Variants in HSF5 observed in about 807,000 individuals in gnomAD.
The protein encoded by HSF5 is heat shock factor protein 5.
In HSF5, 5 loss-of-function variants were observed where a neutral mutation model predicts 50.8. That is an observed-to-expected ratio of 0.10 (90% CI 0.05 to 0.21). The LOEUF (loss-of-function observed/expected upper bound fraction) is 0.21, where lower values mean the gene tolerates loss of function less well. HSF5 is among the 10% of genes least tolerant of loss of function. HSF5 has a pLI of 1.00. For missense variants in HSF5, 564 were observed against 762.6 expected (o/e 0.74, Z 3.07); for synonymous variants, 307 against 307.4 (o/e 1.00, Z 0.02).
At chr17:58,456,942 G>A (rs1448755094) in intron 5 of HSF5, among the ~76,000 whole-genome samples, 1 of 152,160 alleles carries the variant, frequency 6.6e-6, no homozygotes, top group Non-Finnish European at 1.5e-5. Context: ...GGGCAACATA[G>A]TGAGACCCCA....
chr17:58,483,778 A>G (rs1317120282), intron 1 of HSF5, among the ~76,000 whole-genome samples: 5 of 152,254 alleles, frequency 3.3e-5, no homozygotes, highest in African/African-American at 1.2e-4. Flanking sequence ...CTTATCAAGT[A>G]TACTCTTGGA....
At position 58,477,141 on chromosome 17, in the gene HSF5, ATG is replaced by A; in HGVS notation, c.925+2750_925+2751del. Among the ~76,000 whole-genome samples the A allele has an allele frequency of 1.5e-5, 2 of 132,402 alleles. 1 individual carries two copies. Among genetic ancestry groups the A allele is most frequent in the South Asian group, 4.7e-4 (2 of 4,232 alleles). 86.9% of individuals were successfully genotyped at this position (132,402 alleles called of 152,430 possible). ...CTTTTTTTTTTTTTTTTTTTTTGAG[ATG>A]GAGTCCTGCTCTGTCACCCAGGCTG... On this transcript the variant is annotated intron_variant, in intron 2 of 5. Transcript: ENST00000323777.
At chr17:58,484,010 C>T (rs960665911) in intron 1 of HSF5, among the ~76,000 whole-genome samples, 6 of 152,096 alleles carry the variant, frequency 3.9e-5, no homozygotes, top group Non-Finnish European at 8.8e-5. Flanking sequence ...GGACTTAGAA[C>T]ATGGAATGAG....
chr17:58,481,361 A>G (rs1278698760), intron 1 of HSF5, among the ~76,000 whole-genome samples: 1 of 152,226 alleles, frequency 6.6e-6, no homozygotes, highest in Admixed American at 6.5e-5. Context: ...AAGGAATAAA[A>G]AGTGGAGATA....
At chr17:58,438,946 A>G (rs1974462498) in intron 5 of HSF5, among the ~76,000 whole-genome samples, 1 of 151,858 alleles carries the variant, frequency 6.6e-6, no homozygotes, top group Non-Finnish European at 1.5e-5. Flanking sequence ...GTGAGACTCC[A>G]TCTCTTTGAA....
chr17:58,450,060 A>C (rs527315702), intron 5 of HSF5, among the ~76,000 whole-genome samples: 1 of 145,190 alleles, frequency 6.9e-6, no homozygotes, highest in East Asian at 2.1e-4. Flanking sequence ...CATAGGCTGG[A>C]CACGGTAGCT....
intron 5 of HSF5, among the ~76,000 whole-genome samples, chr17:58,429,131 A>C (rs537145197): frequency 2.0e-5 from 3 of 152,384 alleles, no homozygotes; most frequent in Admixed American, 2.0e-4. Flanking sequence ...TTAGTAAAGT[A>C]AGTTAGACAC....
intron 3 of HSF5, among the ~76,000 whole-genome samples, chr17:58,464,830 G>T (rs534546888): frequency 6.6e-6 from 1 of 151,802 alleles, no homozygotes; most frequent in African/African-American, 2.4e-5. Flanking sequence ...ACAGGGTTTC[G>T]CCATGTTGGC....
chr17:58,427,698 C>A (rs1308174400), intron 5 of HSF5, among the ~76,000 whole-genome samples: 1 of 152,126 alleles, frequency 6.6e-6, no homozygotes, highest in Non-Finnish European at 1.5e-5. Flanking sequence ...AGATAAAAAA[C>A]ATTTGGTCAT....
chr17:58,463,534 A>G (rs1791129939), intron 3 of HSF5, among the ~76,000 whole-genome samples: 1 of 152,212 alleles, frequency 6.6e-6, no homozygotes, highest in African/African-American at 2.4e-5. Context: ...TAATACTCCA[A>G]TGGTCAATAA....
intron 5 of HSF5, among the ~76,000 whole-genome samples, chr17:58,458,392 T>C (rs1302719242): frequency 6.6e-6 from 1 of 152,226 alleles, no homozygotes; most frequent in Non-Finnish European, 1.5e-5. Flanking sequence ...CATGCCCTCT[T>C]GTCCTAGAGT....
In HSF5 at chr17:58,480,193, G is replaced by T. The variant is rs569533978; in HGVS notation, c.625C>A (p.Pro209Thr). 3.7e-6 allele frequency: 6 copies of T among 1,614,098 alleles called. No individual in the cohort carries two copies. Among genetic ancestry groups the T allele is most frequent in the Non-Finnish European group, 4.2e-6 (5 of 1,179,996 alleles). Residue 209 changes from proline (P) to threonine (T), a missense_variant, in exon 2 of 6, where the codon CCA becomes ACA. By Grantham distance (38) the Pro-to-Thr change is conservative. Around this residue, in one of 5 missense-constraint regions of HSF5, gnomAD observed 441 missense variants for 533.6 expected, o/e 0.83. Transcript: ENST00000323777. ...GGGTAAGTACTGTGGTCGTGGGATGGAGTTGATACACAGGAGTAAGGAGAC... is the reference window on the plus strand; with the variant it reads ...GGGTAAGTACTGTGGTCGTGGGATGTAGTTGATACACAGGAGTAAGGAGAC... Reference protein sequence around the residue: ...SLSPYSCVSTPSHDHSTYPLK... With the variant: ...SLSPYSCVSTTSHDHSTYPLK...
intron 3 of HSF5, among the ~76,000 whole-genome samples, chr17:58,466,219 G>A (rs1974864457): frequency 6.6e-6 from 1 of 152,028 alleles, no homozygotes; most frequent in African/African-American, 2.4e-5. Context: ...GAACCATTAT[G>A]GTGTTTACAA....
Position 58,462,998 on chromosome 17 carries a change from A to T in HSF5, c.1326T>A (p.Phe442Leu). 6.2e-7 allele frequency: 1 copy of T among 1,614,248 alleles called. No individual in the cohort carries two copies. Among genetic ancestry groups the T allele is most frequent in the Non-Finnish European group, 8.5e-7 (1 of 1,180,042 alleles). ...LTPVGSDIMSFVVGTEQAVAC... is the reference protein window; with the variant it reads ...LTPVGSDIMSLVVGTEQAVAC... Reference sequence around the variant, plus strand: ...CAACTGCTTGTTCTGTTCCAACCACAAAAGACATAATATCTGAGCCTACAG... The same window carrying T: ...CAACTGCTTGTTCTGTTCCAACCACTAAAGACATAATATCTGAGCCTACAG... The change falls in exon 4 of 6, where the codon TTT (phenylalanine) becomes TTA (leucine). Residue 442 changes from phenylalanine to leucine, a missense_variant. Physicochemically the swap from Phe to Leu is conservative, Grantham distance 22 (BLOSUM62 0). Transcript: ENST00000323777.
chr17:58,439,547 C>G (rs1328713471), intron 5 of HSF5, among the ~76,000 whole-genome samples: 1 of 151,906 alleles, frequency 6.6e-6, no homozygotes, highest in Non-Finnish European at 1.5e-5. Flanking sequence ...TGCAATAGCG[C>G]GATCTCGGCT....
chr17:58,480,073 A>C lies in HSF5; in HGVS notation c.745T>G (p.Ser249Ala). ...PGQVETSPTF[S>A]DKGVPFPVLQ... is the part of the protein sequence containing the mutation. The stretch of plus-strand genomic sequence containing the variant: ...ACAGGAAACGGAACCCCTTTATCTG[A>C]AAATGTGGGAGATGTCTCCACTTGT... Residue 249 changes from serine (S) to alanine (A), a missense_variant, in exon 2 of 6, where the codon TCA (serine) becomes GCA (alanine). By Grantham distance (99) the Ser-to-Ala change is moderately conservative. Coordinates refer to ENST00000323777, the MANE Select transcript of HSF5 (RefSeq NM_001080439.3). The C allele has an allele frequency of 6.2e-7, 1 of 1,614,126 alleles. No individual in the cohort carries two copies. Among genetic ancestry groups the C allele is most frequent in the Non-Finnish European group, 8.5e-7 (1 of 1,179,980 alleles).
intron 5 of HSF5, among the ~76,000 whole-genome samples, chr17:58,426,320 T>C (rs529558984): frequency 3.9e-5 from 6 of 152,180 alleles, no homozygotes; most frequent in Admixed American, 6.5e-5. Context: ...ATTAACAAAG[T>C]TGCCAATCAA....
At chr17:58,476,102 G>A (rs777013603) in intron 2 of HSF5, 10 of 795,746 alleles carry the variant, frequency 1.3e-5, no homozygotes, top group South Asian at 9.4e-5. Context: ...TTTTAAAAAG[G>A]AAGGTCAGAA....
chr17:58,476,461 C>A (rs1379237982), intron 2 of HSF5: 2 of 1,075,678 alleles, frequency 1.9e-6, no homozygotes, highest in African/African-American at 3.1e-5. Context: ...CAAATCCATT[C>A]CAGATTTCCA....
Sources: gnomAD v4.1 joint callset for allele counts (sites outside exome capture counted in the v4.1 genomes callset) on GRCh38, gnomAD v4.1.1 for gene constraint, gnomAD v4.1.1 regional missense constraint, MANE v1.5 for transcripts, NCBI Gene and HGNC (gene_info 2026-07-23, HGNC 2026-07-21) for gene names.